The following C13orf46 variants were observed in gnomAD, a reference collection of about 807,000 sequenced individuals.
The protein encoded by C13orf46 is uncharacterized protein C13orf46.
chr13:113,958,988 A>T (rs1467286283), intron 6 of C13orf46, among the ~76,000 whole-genome samples: 3 of 152,162 alleles, frequency 2.0e-5, no homozygotes, highest in Admixed American at 6.5e-5. Flanking sequence ...TAGTTGAAAG[A>T]TACTAGGGGC....
intron 1 of C13orf46, among the ~76,000 whole-genome samples, chr13:113,972,454 G>A (rs917693973): frequency 1.6e-4 from 24 of 152,312 alleles, no homozygotes; most frequent in Admixed American, 1.2e-3. Flanking sequence ...CCACGGCCCC[G>A]TGGACACCTT....
chr13:113,961,709 C>G lies in C13orf46; in HGVS notation c.572+3218G>C, dbSNP rs996154184. Among the ~76,000 whole-genome samples, 9 of 152,298 alleles carry G rather than the reference C, an allele frequency of 5.9e-5. No homozygotes were observed. The South Asian group carries it at 1.9e-3, about 32-fold the overall frequency. Reference sequence around the variant, plus strand: ...ACAAAAGTGGTTCCAGTTTTGTTCACTGGTTATCCATTTTTTTTCCAATCT... The same window carrying G: ...ACAAAAGTGGTTCCAGTTTTGTTCAGTGGTTATCCATTTTTTTTCCAATCT... On this transcript the variant is annotated intron_variant, in intron 6 of 6. Coordinates refer to ENST00000636427, the MANE Select transcript of C13orf46 (RefSeq NM_001365455.2).
At chr13:113,963,440 C>T (rs1408901190) in intron 6 of C13orf46, among the ~76,000 whole-genome samples, 1 of 139,152 alleles carries the variant, frequency 7.2e-6, no homozygotes, top group Non-Finnish European at 1.6e-5. Flanking sequence ...TGTCCTCAGC[C>T]TCGGCCCCTG....
intron 6 of C13orf46, among the ~76,000 whole-genome samples, chr13:113,964,675 G>A (rs1261125976): frequency 3.9e-5 from 6 of 152,144 alleles, no homozygotes; most frequent in Non-Finnish European, 7.4e-5. Context: ...AGGAGACACG[G>A]CCTGGTTATG....
chr13:113,959,928 T>C (rs929100096), intron 6 of C13orf46, among the ~76,000 whole-genome samples: 4 of 152,174 alleles, frequency 2.6e-5, no homozygotes, highest in Non-Finnish European at 4.4e-5. Flanking sequence ...TGGCTGTGAT[T>C]AAAAGGGAAT....
At chr13:113,970,842 C>T (rs1370217093) in intron 1 of C13orf46, among the ~76,000 whole-genome samples, 2 of 152,210 alleles carry the variant, frequency 1.3e-5, no homozygotes, top group Non-Finnish European at 2.9e-5. Context: ...GGAACATCAA[C>T]TCGGGTGAGC....
chr13:113,961,109 C>A (rs2052583109), intron 6 of C13orf46, among the ~76,000 whole-genome samples: 1 of 152,120 alleles, frequency 6.6e-6, no homozygotes, highest in South Asian at 2.1e-4. Flanking sequence ...TGTTTTGAAC[C>A]TTTTGACATC....
the C13orf46 span, among the ~76,000 whole-genome samples, chr13:113,945,477 A>G: frequency 2.0e-5 from 3 of 151,656 alleles, no homozygotes; most frequent in Non-Finnish European, 4.4e-5. Context: ...CCCTGGAGGC[A>G]GAGATTGCAG....
At chr13:113,929,617 G>C in the C13orf46 span, among the ~76,000 whole-genome samples, 295 of 152,342 alleles carry the variant, frequency 1.9e-3, no homozygotes, top group African/African-American at 7.0e-3. Context: ...GCTGGTCACC[G>C]GGAGTGACCA....
At chr13:113,953,455 A>G (rs1440999604), downstream of C13orf46, among the ~76,000 whole-genome samples, 2 of 150,540 alleles carry the variant, frequency 1.3e-5, no homozygotes, top group Admixed American at 6.6e-5. Flanking sequence ...CTTCCCCCGG[A>G]CACTGTGACC....
At chr13:113,948,574 C>T in the C13orf46 span, among the ~76,000 whole-genome samples, 1 of 152,208 alleles carries the variant, frequency 6.6e-6, no homozygotes, top group East Asian at 1.9e-4. Context: ...AACCAGATGT[C>T]TTGTCTTTGT....
chr13:113,966,544 G>A (rs1206934716), intron 5 of C13orf46, among the ~76,000 whole-genome samples: 2 of 150,580 alleles, frequency 1.3e-5, no homozygotes, highest in African/African-American at 4.9e-5. Flanking sequence ...GGTAATAATG[G>A]TGATGGTAAT....
intron 4 of C13orf46, among the ~76,000 whole-genome samples, chr13:113,967,614 T>C (rs1349247271): frequency 1.3e-5 from 2 of 152,094 alleles, no homozygotes; most frequent in Non-Finnish European, 1.5e-5. Flanking sequence ...AGGAGAAGGA[T>C]GTAGGAGGGA....
At chr13:113,930,785 G>A in the C13orf46 span, among the ~76,000 whole-genome samples, 3 of 152,218 alleles carry the variant, frequency 2.0e-5, no homozygotes, top group Admixed American at 6.5e-5. Context: ...GATTAGATGC[G>A]GTGATGCCCG....
downstream of C13orf46, among the ~76,000 whole-genome samples, chr13:113,951,743 C>T (rs1020552727): frequency 6.6e-6 from 1 of 152,372 alleles, no homozygotes; most frequent in African/African-American, 2.4e-5. Context: ...TGCGGCCCTC[C>T]CATTTCAAAG....
At chr13:113,952,387 G>A (rs1019513029), downstream of C13orf46, among the ~76,000 whole-genome samples, 1,347 of 150,948 alleles carry the variant, frequency 8.9e-3, 7 homozygotes, top group Non-Finnish European at 0.016. Context: ...TGCCGCTCCC[G>A]CCTGCCCAGG....
chr13:113,944,617 G>C, the C13orf46 span, among the ~76,000 whole-genome samples: 3 of 149,482 alleles, frequency 2.0e-5, no homozygotes, highest in African/African-American at 7.5e-5. Flanking sequence ...AAGTCCTCCA[G>C]GTGTGTGATG....
the C13orf46 span, among the ~76,000 whole-genome samples, chr13:113,937,714 C>T: frequency 1.2e-4 from 18 of 152,200 alleles, no homozygotes; most frequent in Admixed American, 7.8e-4. Context: ...TCCGGAAAGG[C>T]GGGACAGATG....
At chr13:113,969,596 A>G (rs2052682713) in intron 2 of C13orf46, among the ~76,000 whole-genome samples, 1 of 152,238 alleles carries the variant, frequency 6.6e-6, no homozygotes, top group African/African-American at 2.4e-5. Flanking sequence ...TGGTGCTGGT[A>G]AATCGACTTT....
Sources: allele counts gnomAD v4.1 joint callset (sites outside exome capture counted in the v4.1 genomes callset), GRCh38; gene constraint gnomAD v4.1.1; transcripts MANE v1.5; gene names NCBI Gene and HGNC (gene_info 2026-07-23, HGNC 2026-07-21).